Variants in PID1 observed in about 807,000 individuals in gnomAD.
The protein encoded by PID1 is PTB-containing, cubilin and LRP1-interacting protein.
Under a neutral mutation model 19.1 loss-of-function variants are expected in PID1, and 10 were observed. The ratio of observed to expected loss-of-function variants is 0.52; its 90% CI spans 0.32 to 0.89. PID1 has a LOEUF of 0.89. Ranked by LOEUF, PID1 falls within the 40% of genes least tolerant of loss-of-function variation. The pLI is 0.03. For missense variants in PID1, 248 were observed against 285.3 expected, an observed-to-expected ratio of 0.87 and a Z score of 0.94; for synonymous variants, 130 against 116.0, an observed-to-expected ratio of 1.12 and a Z score of -0.78.
intron 2 of PID1, among the ~76,000 whole-genome samples, chr2:229,106,532 T>C (rs1407485452): frequency 6.6e-6 from 1 of 152,212 alleles, no homozygotes; most frequent in East Asian, 1.9e-4. Flanking sequence ...AATTAGGTCA[T>C]GAGAGTGGGA....
intron 2 of PID1, among the ~76,000 whole-genome samples, chr2:229,076,610 G>A (rs1191179685): frequency 6.6e-6 from 1 of 151,878 alleles, no homozygotes; most frequent in African/African-American, 2.4e-5. Context: ...GTTCTCATTG[G>A]TCAACTCCCA....
intron 1 of PID1, among the ~76,000 whole-genome samples, chr2:229,218,769 G>C (rs1269377114): frequency 2.0e-5 from 3 of 152,136 alleles, no homozygotes; most frequent in Non-Finnish European, 4.4e-5. Context: ...TGCAGAGTGG[G>C]GAAGAAGGAG....
At chr2:229,183,179 T>C (rs527532321) in intron 1 of PID1, among the ~76,000 whole-genome samples, 1 of 152,218 alleles carries the variant, frequency 6.6e-6, no homozygotes, top group South Asian at 2.1e-4. Context: ...GAGTACACCA[T>C]GTGAAGATGG....
chr2:229,172,657 A>C (rs553136492), intron 1 of PID1, among the ~76,000 whole-genome samples: 61 of 152,278 alleles, frequency 4.0e-4, no homozygotes, highest in African/African-American at 1.3e-3. Flanking sequence ...ACCTCTGTAA[A>C]GGCCTTATAT....
chr2:229,138,770 G>C (rs1478459771), intron 2 of PID1, among the ~76,000 whole-genome samples: 1 of 151,540 alleles, frequency 6.6e-6, no homozygotes, highest in African/African-American at 2.4e-5. Flanking sequence ...GGACCGAAAT[G>C]ATTTGTTTGG....
chr2:229,138,980 GAAGAAAGAAAGAAAGAAAGA>G lies in PID1; in HGVS notation c.177+16818_177+16837del, dbSNP rs1176284832. Among the ~76,000 whole-genome samples, 8 of 67,024 alleles carry G rather than the reference GAAGAAAGAAAGAAAGAAAGA, an allele frequency of 1.2e-4. 1 individual carries two copies. The highest frequency in any genetic ancestry group is 4.7e-4 in the East Asian group (1 of 2,142). The allele number at this position is 67,024 out of a possible 152,430, so 44.0% of individuals were successfully genotyped here. A position where few individuals can be genotyped will look rare whatever the true frequency, so the allele number is the denominator to read the frequency against. On this transcript the variant is annotated intron_variant, in intron 2 of 2. Coordinates refer to ENST00000392055, the MANE Select transcript of PID1 (RefSeq NM_001100818.2). ...AAAGAGAAATAAATAGAAAAAAATA[GAAGAAAGAAAGAAAGAAAGA>G]AAGAAAGAAAGAAAGAAAGAAAGAA...
intron 2 of PID1, among the ~76,000 whole-genome samples, chr2:229,035,615 A>T (rs961177699): frequency 1.3e-5 from 2 of 151,946 alleles, no homozygotes; most frequent in Non-Finnish European, 2.9e-5. Flanking sequence ...ACTTGCCCCA[A>T]ATCCCACAGC....
Position 229,101,119 on chromosome 2 carries a change from C to T in PID1, c.177+54699G>A, listed in dbSNP as rs572173678. ...GGAGGATGGAGAAAGGATCTCACCA[C>T]GGTGTGAACACAAGATTCCCATGAG... On this transcript the variant is annotated intron_variant, in intron 2 of 2. Transcript: ENST00000392055. Among the ~76,000 whole-genome samples, 8 of 152,286 alleles carry T rather than the reference C, an allele frequency of 5.3e-5. No individual in the cohort carries two copies. The East Asian group carries it at 5.8e-4, about 11-fold the overall frequency.
intron 1 of PID1, among the ~76,000 whole-genome samples, chr2:229,269,653 A>G (rs1690683081): frequency 6.6e-6 from 1 of 152,206 alleles, no homozygotes. Context: ...CGCCACTGGT[A>G]TCTGGTGCCA....
chr2:229,254,130 CT>C (rs1306593538), intron 1 of PID1, among the ~76,000 whole-genome samples: 3 of 152,066 alleles, frequency 2.0e-5, no homozygotes, highest in Non-Finnish European at 2.9e-5. Context: ...GTCCCCGTGG[CT>C]AAAGAATGGC....
At chr2:229,255,983 C>T (rs1023788991) in intron 1 of PID1, among the ~76,000 whole-genome samples, 5 of 152,214 alleles carry the variant, frequency 3.3e-5, no homozygotes, top group Non-Finnish European at 7.3e-5. Flanking sequence ...TGGTGCTAAA[C>T]AAGTAAAATC....
chr2:229,245,499 T>C (rs1379123235), intron 1 of PID1, among the ~76,000 whole-genome samples: 1 of 152,172 alleles, frequency 6.6e-6, no homozygotes, highest in Non-Finnish European at 1.5e-5. Context: ...CAGAATAGAT[T>C]TGTGCACATT....
At chr2:229,125,224 A>G (rs12478734) in intron 2 of PID1, among the ~76,000 whole-genome samples, 3,805 of 152,254 alleles carry the variant, frequency 0.025, 70 homozygotes, top group Non-Finnish European at 0.038. Context: ...GAATTCTATG[A>G]CATTCTAAAT....
At chr2:229,238,236 A>C (rs932899756) in intron 1 of PID1, among the ~76,000 whole-genome samples, 5 of 152,314 alleles carry the variant, frequency 3.3e-5, no homozygotes, top group African/African-American at 1.2e-4. Flanking sequence ...AAGTTTTTTA[A>C]AGGGGTTGGG....
At chr2:229,217,618 G>C (rs1166054550) in intron 1 of PID1, among the ~76,000 whole-genome samples, 1 of 152,156 alleles carries the variant, frequency 6.6e-6, no homozygotes, top group East Asian at 1.9e-4. Flanking sequence ...TTTACAAAGA[G>C]GAGCCAGAAT....
chr2:229,179,625 C>T (rs1430198385), intron 1 of PID1, among the ~76,000 whole-genome samples: 2 of 152,082 alleles, frequency 1.3e-5, no homozygotes, highest in African/African-American at 4.8e-5. Context: ...ATTGCATATG[C>T]CCTTTAATGC....
chr2:229,036,671 C>T (rs57077220), intron 2 of PID1, among the ~76,000 whole-genome samples: 4,550 of 152,242 alleles, frequency 0.03, 243 homozygotes, highest in African/African-American at 0.1. Context: ...CTGCTTGAAC[C>T]TGGGAGGCGG....
intron 1 of PID1, among the ~76,000 whole-genome samples, chr2:229,270,383 T>C (rs1690702869): frequency 6.6e-6 from 1 of 152,164 alleles, no homozygotes; most frequent in Non-Finnish European, 1.5e-5. Flanking sequence ...TTCAAGGCAG[T>C]CTGGCATTTC....
intron 1 of PID1, among the ~76,000 whole-genome samples, chr2:229,232,691 TAC>T (rs1329865467): frequency 2.0e-5 from 3 of 149,634 alleles, no homozygotes; most frequent in African/African-American, 7.4e-5. Context: ...TATGTATACA[TAC>T]ATATATATAT....
Sources: allele counts gnomAD v4.1 joint callset (sites outside exome capture counted in the v4.1 genomes callset), GRCh38; gene constraint gnomAD v4.1.1; transcripts MANE v1.5; gene names NCBI Gene and HGNC (gene_info 2026-07-23, HGNC 2026-07-21).